MED13L: variants seen among roughly 807,000 people sequenced by gnomAD.
MED13L encodes mediator of RNA polymerase II transcription subunit 13-like.
Under a neutral mutation model 220.9 loss-of-function variants are expected in MED13L, and 7 were observed. That is an observed-to-expected ratio of 0.03 (90% CI 0.02 to 0.06). The LOEUF is 0.06. Among genes scored for constraint, MED13L ranks in the 10% least tolerant of loss-of-function variants. The pLI, the probability that MED13L is intolerant of heterozygous loss-of-function variation, is 1.00. For synonymous variants in MED13L, 1,011 were observed against 1,015.2 expected (o/e 1.00, Z 0.08); for missense variants, 1,965 against 2,760.5 (o/e 0.71, Z 6.46).
chr12:116,156,324 A>G, intron 2 of MED13L, among the ~76,000 whole-genome samples: 1 of 150,556 alleles, frequency 6.6e-6, no homozygotes, highest in Non-Finnish European at 1.5e-5. Flanking sequence ...TTAGGATTCC[A>G]TTTTTAACTC....
Position 115,961,403 on chromosome 12 carries a change from CA to C in MED13L, c.6501-6del. ...TTGTACTGCTCCAAAACAAACCTGC[CA>C]AAGAGAACACACAGAGCAGGGGCGT... On this transcript the variant is annotated splice_region_variant and splice_polypyrimidine_tract_variant and intron_variant, in intron 30 of 30. Coordinates refer to ENST00000281928, the MANE Select transcript of MED13L (RefSeq NM_015335.5). 6.2e-7 allele frequency: 1 copy of C among 1,613,436 alleles called. No homozygotes were observed. Among genetic ancestry groups the C allele is most frequent in the Non-Finnish European group, 8.5e-7 (1 of 1,179,994 alleles).
At chr12:116,135,594 GGTTT>G (rs919197015) in intron 2 of MED13L, among the ~76,000 whole-genome samples, 3 of 152,252 alleles carry the variant, frequency 2.0e-5, no homozygotes, top group African/African-American at 7.2e-5. Flanking sequence ...AATTTGGGGT[GGTTT>G]GTTACACAGC....
rs1417904088 is a variant in MED13L, at chr12:116,019,813, T to A, written c.785A>T (p.Asp262Val). Reference protein sequence around the residue: ...ESKEEDELGYDDDFPVAVEVI... With the variant: ...ESKEEDELGYVDDFPVAVEVI... Reference sequence around the variant, plus strand: ...TTCAACTGCCACAGGGAAATCATCATCATATCCCAACTCGTCTTCCTCTTT... The same window carrying A: ...TTCAACTGCCACAGGGAAATCATCAACATATCCCAACTCGTCTTCCTCTTT... Residue 262 changes from aspartate (D) to valine (V), a missense_variant, in exon 6 of 31, where the codon GAT becomes GTT. By Grantham distance (152) the Asp-to-Val change is radical. Transcript: ENST00000281928. 3 of 1,613,942 alleles carry A rather than the reference T, an allele frequency of 1.9e-6. No homozygotes were observed. Among genetic ancestry groups the A allele is most frequent in the Admixed American group, 3.3e-5 (2 of 59,972 alleles).
At chr12:116,212,554 G>A (rs911913980) in intron 2 of MED13L, among the ~76,000 whole-genome samples, 1 of 152,010 alleles carries the variant, frequency 6.6e-6, no homozygotes, top group African/African-American at 2.4e-5. Flanking sequence ...ATTACAGATA[G>A]TTAAAATTAT....
chr12:116,098,263 TATAAAA>T (rs1872776594), intron 3 of MED13L, among the ~76,000 whole-genome samples: 3 of 150,888 alleles, frequency 2.0e-5, no homozygotes, highest in Admixed American at 1.3e-4. Flanking sequence ...AATAAATAAA[TATAAAA>T]ATAAAAACAA....
chr12:116,084,068 G>A (rs1221745974), intron 4 of MED13L, among the ~76,000 whole-genome samples: 1 of 152,180 alleles, frequency 6.6e-6, no homozygotes, highest in Non-Finnish European at 1.5e-5. Context: ...ACCTTGTATT[G>A]TACTTCAAAC....
intron 2 of MED13L, among the ~76,000 whole-genome samples, chr12:116,128,987 G>A (rs1055464913): frequency 6.6e-6 from 1 of 152,080 alleles, no homozygotes; most frequent in Admixed American, 6.5e-5. Context: ...TGCTGTAGCA[G>A]CATTTTTGTG....
intron 2 of MED13L, among the ~76,000 whole-genome samples, chr12:116,224,826 C>T (rs971738946): frequency 2.6e-5 from 4 of 152,098 alleles, no homozygotes; most frequent in Admixed American, 6.6e-5. Flanking sequence ...TGCAGGCACA[C>T]GCCACTATGC....
intron 4 of MED13L, among the ~76,000 whole-genome samples, chr12:116,084,127 T>A (rs78329255): frequency 0.02 from 3,061 of 152,300 alleles, 59 homozygotes; most frequent in Non-Finnish European, 0.033. Flanking sequence ...AAAGGAAGAA[T>A]CCTCTAGTTT....
chr12:116,154,344 C>T (rs1321601194), intron 2 of MED13L, among the ~76,000 whole-genome samples: 1 of 152,154 alleles, frequency 6.6e-6, no homozygotes, highest in Non-Finnish European at 1.5e-5. Context: ...TGCAATAAGT[C>T]TGGAGTTGGA....
In MED13L at chr12:116,192,903, C is replaced by T. The variant is rs185889770; in HGVS notation, c.310+44565G>A. Among the ~76,000 whole-genome samples, 32 of 152,246 alleles carry T rather than the reference C, an allele frequency of 2.1e-4. 1 individual carries two copies. In the East Asian group the frequency reaches 3.1e-3, roughly 15 times the overall value. On this transcript the variant is annotated intron_variant, in intron 2 of 30. Coordinates refer to ENST00000281928, the MANE Select transcript of MED13L (RefSeq NM_015335.5). ...ATCCCAGCACTTTGGAAGGCTGAGG[C>T]GGGCAGATCACCAGGTCAGGAAATC...
intron 2 of MED13L, among the ~76,000 whole-genome samples, chr12:116,180,451 T>TA (rs1880440597): frequency 6.6e-6 from 1 of 152,162 alleles, no homozygotes; most frequent in South Asian, 2.1e-4. Context: ...ATATGAAACA[T>TA]AAATAAATTT....
intron 4 of MED13L, among the ~76,000 whole-genome samples, chr12:116,065,521 C>T (rs1869851971): frequency 6.6e-6 from 1 of 152,102 alleles, no homozygotes; most frequent in Non-Finnish European, 1.5e-5. Flanking sequence ...AAATTTCCCT[C>T]CAAGGCAAGA....
chr12:116,007,838 G>A, intron 10 of MED13L: 1 of 578,974 alleles, frequency 1.7e-6, no homozygotes, highest in Non-Finnish European at 3.0e-6. Context: ...CCACTTAAGA[G>A]CACAGGTTCT....
At chr12:116,275,748 A>C (rs911776237) in intron 1 of MED13L, among the ~76,000 whole-genome samples, 14 of 152,074 alleles carry the variant, frequency 9.2e-5, no homozygotes, top group South Asian at 2.1e-4. Context: ...CCTCCCCCCC[A>C]AAAAAAACAG....
At chr12:116,193,163 T>A (rs1257648301) in intron 2 of MED13L, among the ~76,000 whole-genome samples, 1 of 150,496 alleles carries the variant, frequency 6.6e-6, no homozygotes, top group East Asian at 2.0e-4. Flanking sequence ...AAACAAAAAT[T>A]AGGCAGGCAT....
chr12:116,200,581 A>G lies in MED13L; in HGVS notation c.310+36887T>C, dbSNP rs565675876. Among the ~76,000 whole-genome samples the G allele has an allele frequency of 7.2e-5, 11 of 152,302 alleles. No individual in the cohort carries two copies. The East Asian group carries it at 1.5e-3, about 21-fold the overall frequency. On this transcript the variant is annotated intron_variant, in intron 2 of 30. Transcript: ENST00000281928. The stretch of plus-strand genomic sequence containing the variant: ...ATGTTAAAAGTGCTAACAGAAGAAT[A>G]TGTACGTAAACTGTCCTCAATGAGC...
At chr12:116,233,657 C>T (rs1455394047) in intron 2 of MED13L, among the ~76,000 whole-genome samples, 1 of 152,186 alleles carries the variant, frequency 6.6e-6, no homozygotes, top group African/African-American at 2.4e-5. Context: ...ATATATGCTG[C>T]TCTAAGTACT....
At chr12:116,028,016 CCTT>C (rs1199095537) in intron 4 of MED13L, among the ~76,000 whole-genome samples, 2 of 152,208 alleles carry the variant, frequency 1.3e-5, no homozygotes, top group Non-Finnish European at 2.9e-5. Flanking sequence ...AGTCCACCCT[CCTT>C]CATTTCACAG....
Sources: allele counts gnomAD v4.1 joint callset (sites outside exome capture counted in the v4.1 genomes callset), GRCh38; gene constraint gnomAD v4.1.1; transcripts MANE v1.5; gene names NCBI Gene and HGNC (gene_info 2026-07-23, HGNC 2026-07-21).